RSRC1: variants seen among roughly 807,000 people sequenced by gnomAD.
RSRC1 encodes the protein serine/Arginine-related protein 53.
In RSRC1, 39 loss-of-function variants were observed where a neutral mutation model predicts 49.1. The observed-to-expected ratio is 0.79, with a 90% CI of 0.61 to 1.04. The LOEUF (loss-of-function observed/expected upper bound fraction) is 1.04. Among genes scored for constraint, RSRC1 ranks in the 50% least tolerant of loss-of-function variants. The pLI is 0.00. For missense variants in RSRC1, 388 were observed against 402.4 expected (o/e 0.96, Z 0.31); for synonymous variants, 143 against 130.8 (o/e 1.09, Z -0.63).
At chr3:158,393,733 G>T (rs375329167) in intron 6 of RSRC1, among the ~76,000 whole-genome samples, 1 of 151,984 alleles carries the variant, frequency 6.6e-6, no homozygotes, top group Non-Finnish European at 1.5e-5. Flanking sequence ...TCTACCAGAT[G>T]TATAAAGAAG....
At chr3:158,430,454 C>A (rs974048418) in intron 6 of RSRC1, among the ~76,000 whole-genome samples, 1 of 151,650 alleles carries the variant, frequency 6.6e-6, no homozygotes, top group Non-Finnish European at 1.5e-5. Context: ...CATAATGTAC[C>A]TAATATAAAT....
At chr3:158,136,190 GTA>G (rs1214623228) in intron 3 of RSRC1, among the ~76,000 whole-genome samples, 2 of 152,186 alleles carry the variant, frequency 1.3e-5, no homozygotes, top group African/African-American at 4.8e-5. Context: ...GTATCTTCAT[GTA>G]TAAAGTATTA....
intron 5 of RSRC1, among the ~76,000 whole-genome samples, chr3:158,316,622 T>C (rs1728478678): frequency 1.3e-5 from 2 of 151,918 alleles, no homozygotes; most frequent in Non-Finnish European, 2.9e-5. Context: ...TTTTTTGTAT[T>C]TTTAGTAGAG....
chr3:158,394,948 G>A (rs931966956), intron 6 of RSRC1, among the ~76,000 whole-genome samples: 2 of 152,014 alleles, frequency 1.3e-5, no homozygotes. Context: ...TACTTCAGGG[G>A]CACAGTAACT....
chr3:158,291,117 C>T (rs538469538), intron 4 of RSRC1, among the ~76,000 whole-genome samples: 1 of 152,170 alleles, frequency 6.6e-6, no homozygotes, highest in South Asian at 2.1e-4. Flanking sequence ...TGGAGGGCCA[C>T]TTGGGCCCAG....
intron 4 of RSRC1, among the ~76,000 whole-genome samples, chr3:158,294,573 A>C (rs1727128976): frequency 6.6e-6 from 1 of 151,910 alleles, no homozygotes; most frequent in Non-Finnish European, 1.5e-5. Context: ...AGCAATTTTA[A>C]TCTAAAAGGA....
At chr3:158,145,032 C>A (rs1268894840) in intron 3 of RSRC1, among the ~76,000 whole-genome samples, 1 of 152,096 alleles carries the variant, frequency 6.6e-6, no homozygotes, top group Non-Finnish European at 1.5e-5. Flanking sequence ...TGGATATTAG[C>A]CCTTTGTCAG....
intron 6 of RSRC1, among the ~76,000 whole-genome samples, chr3:158,367,331 A>G (rs1458967254): frequency 6.6e-6 from 1 of 152,048 alleles, no homozygotes; most frequent in Non-Finnish European, 1.5e-5. Context: ...GTTTATTGAG[A>G]GTTTTTTGCA....
intron 5 of RSRC1, among the ~76,000 whole-genome samples, chr3:158,318,097 G>C (rs73168723): frequency 0.22 from 34,032 of 151,866 alleles, 4,288 homozygotes; most frequent in Non-Finnish European, 0.29. Context: ...GTTAGTGTTA[G>C]TTTATTTTAT....
intron 7 of RSRC1, among the ~76,000 whole-genome samples, chr3:158,500,803 A>G (rs899747823): frequency 2.0e-5 from 3 of 152,004 alleles, no homozygotes; most frequent in Non-Finnish European, 4.4e-5. Flanking sequence ...TTATCTTTCA[A>G]AGAACCAGCT....
intron 7 of RSRC1, among the ~76,000 whole-genome samples, chr3:158,536,386 G>A (rs1004359989): frequency 1.3e-5 from 2 of 151,394 alleles, no homozygotes; most frequent in African/African-American, 4.8e-5. Flanking sequence ...GCAGTGGACT[G>A]TAAGTGATAG....
intron 3 of RSRC1, among the ~76,000 whole-genome samples, chr3:158,124,824 T>C (rs1156684727): frequency 3.3e-5 from 5 of 149,906 alleles, no homozygotes; most frequent in Non-Finnish European, 5.9e-5. Flanking sequence ...TTCTTTCTTT[T>C]TTTTTTTTTT....
At chr3:158,216,585 C>G (rs1169309441) in intron 4 of RSRC1, among the ~76,000 whole-genome samples, 1 of 151,488 alleles carries the variant, frequency 6.6e-6, no homozygotes, top group Non-Finnish European at 1.5e-5. Context: ...CTAGTTTCAG[C>G]AGTTAAATTG....
At chr3:158,514,925 G>T (rs1243829755) in intron 7 of RSRC1, among the ~76,000 whole-genome samples, 1 of 151,980 alleles carries the variant, frequency 6.6e-6, no homozygotes, top group Non-Finnish European at 1.5e-5. Context: ...TTTTATCAGA[G>T]AGTAGGATTG....
At chr3:158,321,560 G>GT (rs142748510) in intron 5 of RSRC1, among the ~76,000 whole-genome samples, 13 of 141,738 alleles carry the variant, frequency 9.2e-5, no homozygotes, top group South Asian at 2.2e-4. Context: ...ATATTTTTGT[G>GT]TTTTTTTTTT....
At chr3:158,261,885 A>G (rs1414261686) in intron 4 of RSRC1, among the ~76,000 whole-genome samples, 1 of 152,208 alleles carries the variant, frequency 6.6e-6, no homozygotes, top group Non-Finnish European at 1.5e-5. Context: ...ATTATATATG[A>G]CAATGTAATA....
At chr3:158,181,226 T>G (rs1249876989) in intron 3 of RSRC1, among the ~76,000 whole-genome samples, 1 of 152,204 alleles carries the variant, frequency 6.6e-6, no homozygotes, top group African/African-American at 2.4e-5. Flanking sequence ...TTTCTTGAAC[T>G]GTGCTAGCAA....
intron 5 of RSRC1, among the ~76,000 whole-genome samples, chr3:158,312,510 TA>T (rs1336535086): frequency 2.0e-5 from 3 of 152,146 alleles, no homozygotes; most frequent in Non-Finnish European, 4.4e-5. Flanking sequence ...ATAACAAGCA[TA>T]TTGTGCTGTA....
chr3:158,370,867 AT>A (rs1732029964), intron 6 of RSRC1, among the ~76,000 whole-genome samples: 1 of 151,872 alleles, frequency 6.6e-6, no homozygotes, highest in African/African-American at 2.4e-5. Context: ...ATTTTTCCAA[AT>A]TGGTTGTATC....
Sources: gnomAD v4.1 joint callset for allele counts (sites outside exome capture counted in the v4.1 genomes callset) on GRCh38, gnomAD v4.1.1 for gene constraint, MANE v1.5 for transcripts, NCBI Gene and HGNC (gene_info 2026-07-23, HGNC 2026-07-21) for gene names.